FAXC: variants seen among roughly 807,000 people sequenced by gnomAD.
FAXC encodes failed axon connections homolog.
A neutral mutation model predicts 41.9 loss-of-function variants in FAXC; 10 were observed. The ratio of observed to expected loss-of-function variants is 0.24; its 90% CI spans 0.15 to 0.41. FAXC has a LOEUF of 0.41. Among genes scored for constraint, FAXC ranks in the 10% least tolerant of loss-of-function variants. The pLI, the probability that FAXC is intolerant of heterozygous loss-of-function variation, is 1.00. For missense variants in FAXC, 399 were observed against 510.9 expected (o/e 0.78, Z 2.11); for synonymous variants, 183 against 183.8 (o/e 1.00, Z 0.03).
At chr6:99,344,717 A>C (rs1773535702) in intron 1 of FAXC, among the ~76,000 whole-genome samples, 1 of 152,262 alleles carries the variant, frequency 6.6e-6, no homozygotes, top group Admixed American at 6.5e-5. Context: ...AAGACAGCAC[A>C]AACTATAGAT....
intron 2 of FAXC, among the ~76,000 whole-genome samples, chr6:99,341,082 A>C (rs547845639): frequency 8.6e-4 from 131 of 152,374 alleles, no homozygotes; most frequent in Non-Finnish European, 1.6e-3. Flanking sequence ...GTATTATAAC[A>C]GAATAAATAC....
chr6:99,319,844 T>C (rs1385338842), intron 4 of FAXC, among the ~76,000 whole-genome samples: 1 of 152,248 alleles, frequency 6.6e-6, no homozygotes, highest in Admixed American at 6.5e-5. Flanking sequence ...TCAAGAAAAC[T>C]TGTTTACATG....
At chr6:99,330,350 T>C (rs752825353) in intron 3 of FAXC, among the ~76,000 whole-genome samples, 2 of 152,196 alleles carry the variant, frequency 1.3e-5, no homozygotes, top group African/African-American at 2.4e-5. Context: ...CCGTGTCAAG[T>C]TGACTTCCCT....
At chr6:99,291,373 G>C (rs2128449711) in intron 5 of FAXC, among the ~76,000 whole-genome samples, 1 of 152,306 alleles carries the variant, frequency 6.6e-6, no homozygotes, top group South Asian at 2.1e-4. Flanking sequence ...AAGGGCACTA[G>C]GTGGAATTCA....
chr6:99,291,581 G>T, intron 5 of FAXC, 123 bp downstream of exon 5: 1 of 737,898 alleles, frequency 1.4e-6, no homozygotes, highest in Non-Finnish European at 2.4e-6. Context: ...TGTACACCAT[G>T]CCTGGTGTCT....
At chr6:99,320,780 T>C (rs1247209933) in intron 4 of FAXC, among the ~76,000 whole-genome samples, 1 of 152,226 alleles carries the variant, frequency 6.6e-6, no homozygotes, top group African/African-American at 2.4e-5. Flanking sequence ...CCTTATTTTC[T>C]TCACTGGGAC....
chr6:99,307,978 G>A (rs1236575360), intron 4 of FAXC, among the ~76,000 whole-genome samples: 2 of 152,274 alleles, frequency 1.3e-5, no homozygotes, highest in South Asian at 2.1e-4. Flanking sequence ...TAAAGGATTG[G>A]GACAAATCAA....
Position 99,311,071 on chromosome 6 carries a change from C to G in FAXC, c.823+12373G>C, listed in dbSNP as rs565473783. 4.6e-5 allele frequency among the ~76,000 whole-genome samples: 7 copies of G among 152,292 alleles called. No homozygotes were observed. In the South Asian group the frequency reaches 1.5e-3, roughly 32 times the overall value. On this transcript the variant is annotated intron_variant, in intron 4 of 5. Coordinates refer to ENST00000389677, the MANE Select transcript of FAXC (RefSeq NM_032511.4). ...TAAAAGAAGTGGAAGATTCATTGTT[C>G]AAAGCATAGATTTAGTAACAATGGA...
chr6:99,282,102 G>A (rs1770863452), intron 5 of FAXC, among the ~76,000 whole-genome samples: 1 of 152,162 alleles, frequency 6.6e-6, no homozygotes, highest in African/African-American at 2.4e-5. Flanking sequence ...AAGTGGCAAG[G>A]TAGTTTATCC....
intron 3 of FAXC, among the ~76,000 whole-genome samples, chr6:99,326,703 T>G (rs1414279606): frequency 6.6e-6 from 1 of 152,136 alleles, no homozygotes; most frequent in African/African-American, 2.4e-5. Context: ...AGTTAGAAGA[T>G]GTGAAGGCCA....
In FAXC at chr6:99,272,748, T is replaced by A. The variant is rs930889671; in HGVS notation, c.*8416A>T. The A allele has an allele frequency of 1.3e-5, 2 of 152,220 alleles. No individual in the cohort carries two copies. The highest frequency in any genetic ancestry group is 2.9e-5 in the Non-Finnish European group (2 of 68,040). 9.4% of individuals were successfully genotyped at this position (152,220 alleles called of 1,614,324 possible). A position where few individuals can be genotyped will look rare whatever the true frequency, so the allele number is the denominator to read the frequency against. On this transcript the variant is annotated 3_prime_UTR_variant, in exon 6 of 6. Coordinates refer to ENST00000389677, the MANE Select transcript of FAXC (RefSeq NM_032511.4). ...GCCTAAAAAATTCATTACCTCTGTT[T>A]TAATTATACAAGAGCCTTACAACTA...
At chr6:99,299,652 C>A (rs896080286) in intron 4 of FAXC, among the ~76,000 whole-genome samples, 2 of 152,204 alleles carry the variant, frequency 1.3e-5, no homozygotes, top group Non-Finnish European at 2.9e-5. Context: ...GGTAATCTCA[C>A]TATCCAAGCA....
At chr6:99,343,616 G>C (rs185545405) in intron 1 of FAXC, among the ~76,000 whole-genome samples, 2 of 152,312 alleles carry the variant, frequency 1.3e-5, no homozygotes, top group African/African-American at 4.8e-5. Flanking sequence ...CAAGAAGTCA[G>C]AGCCCATGGT....
Position 99,281,390 on chromosome 6 carries a change from T to A in FAXC, c.1004A>T (p.His335Leu). The A allele has an allele frequency of 3.1e-6, 5 of 1,614,200 alleles. No individual in the cohort carries two copies. Among genetic ancestry groups the A allele is most frequent in the Non-Finnish European group, 4.2e-6 (5 of 1,180,014 alleles). Residue 335 changes from histidine to leucine, a missense_variant, in exon 6 of 6, where the codon CAC (histidine) becomes CTC (leucine). Physicochemically the swap from His to Leu is moderately conservative, Grantham distance 99 (BLOSUM62 -3). Coordinates refer to ENST00000389677, the MANE Select transcript of FAXC (RefSeq NM_032511.4). ...RIRRKFWPEW[H>L]HDDDNTIYES... Reference sequence around the variant, plus strand: ...ATAGATGGTATTGTCATCATCGTGGTGCCACTCTGGCCAAAATTTCCTCCT... The same window carrying A: ...ATAGATGGTATTGTCATCATCGTGGAGCCACTCTGGCCAAAATTTCCTCCT...
Position 99,280,600 on chromosome 6 carries a change from G to A in FAXC, c.*564C>T, listed in dbSNP as rs1175673572. The A allele has an allele frequency of 6.5e-6, 1 of 152,712 alleles. No homozygotes were observed. The highest frequency in any genetic ancestry group is 2.1e-4 in the South Asian group (1 of 4,848). 9.5% of individuals were successfully genotyped at this position (152,712 alleles called of 1,614,324 possible). On this transcript the variant is annotated 3_prime_UTR_variant, in exon 6 of 6. Coordinates refer to ENST00000389677, the MANE Select transcript of FAXC (RefSeq NM_032511.4). The stretch of plus-strand genomic sequence containing the variant: ...AAATCACACAGCTAGTCACTGGCAG[G>A]GCTTAGAATAAAATGTATACTGATT...
At chr6:99,339,825 C>T (rs150443091) in intron 2 of FAXC, among the ~76,000 whole-genome samples, 85 of 151,932 alleles carry the variant, frequency 5.6e-4, no homozygotes, top group African/African-American at 2.0e-3. Flanking sequence ...AAAATAGAAG[C>T]AGAGTTTCCA....
chr6:99,294,796 A>C (rs1439663142), intron 4 of FAXC, among the ~76,000 whole-genome samples: 1 of 152,198 alleles, frequency 6.6e-6, no homozygotes, highest in Non-Finnish European at 1.5e-5. Context: ...GAAATAGAAC[A>C]CACAGGACTT....
At chr6:99,313,453 A>T (rs1054155046) in intron 4 of FAXC, among the ~76,000 whole-genome samples, 48 of 152,090 alleles carry the variant, frequency 3.2e-4, no homozygotes, top group Admixed American at 1.9e-3. Context: ...TCAAATGTTA[A>T]TATTCTTTTG....
intron 4 of FAXC, among the ~76,000 whole-genome samples, chr6:99,312,183 C>T (rs950037785): frequency 1.3e-5 from 2 of 152,232 alleles, no homozygotes; most frequent in African/African-American, 4.8e-5. Flanking sequence ...TCTGCCAGGC[C>T]TGGCACAGAG....
Sources: gnomAD v4.1 joint callset for allele counts (sites outside exome capture counted in the v4.1 genomes callset) on GRCh38, gnomAD v4.1.1 for gene constraint, MANE v1.5 for transcripts, NCBI Gene and HGNC (gene_info 2026-07-23, HGNC 2026-07-21) for gene names.